Variants in TBC1D19 observed in about 807,000 individuals in gnomAD.
The protein encoded by TBC1D19 is TBC1 domain family member 19, also known as TBC1 domain family, member 19.
TBC1D19 carries 60 observed loss-of-function variants against 89.0 expected under a neutral mutation model. The observed-to-expected ratio is 0.67, with a 90% CI of 0.55 to 0.84. TBC1D19 has a LOEUF of 0.84. Ranked by LOEUF, TBC1D19 falls within the 40% of genes least tolerant of loss-of-function variation. The probability of loss-of-function intolerance (pLI) is 0.00; values close to 1 mark genes in which losing one functional copy is unlikely to be tolerated. For missense variants in TBC1D19, 500 were observed against 610.8 expected (o/e 0.82, Z 1.91); for synonymous variants, 189 against 199.7 (o/e 0.95, Z 0.45).
At chr4:26,759,354 T>C (rs972437529), downstream of TBC1D19, among the ~76,000 whole-genome samples, 1 of 152,166 alleles carries the variant, frequency 6.6e-6, no homozygotes, top group Non-Finnish European at 1.5e-5. Flanking sequence ...ATTTGCGGAG[T>C]TGCCTTTGGA....
chr4:26,814,405 C>A, the TBC1D19 span, among the ~76,000 whole-genome samples: 1 of 152,124 alleles, frequency 6.6e-6, no homozygotes, highest in African/African-American at 2.4e-5. Flanking sequence ...TTCTGATTGT[C>A]CCCCAACTCT....
At chr4:26,744,761 TG>T (rs1414710152) in intron 18 of TBC1D19, among the ~76,000 whole-genome samples, 8 of 152,112 alleles carry the variant, frequency 5.3e-5, no homozygotes. Flanking sequence ...TTGTTTTAAA[TG>T]TGTTGAAGTT....
the TBC1D19 span, among the ~76,000 whole-genome samples, chr4:26,828,656 A>C: frequency 6.6e-6 from 1 of 152,222 alleles, no homozygotes; most frequent in African/African-American, 2.4e-5. Flanking sequence ...TTTGCCACTT[A>C]TTAGCTGTGT....
chr4:26,821,344 T>A, the TBC1D19 span, among the ~76,000 whole-genome samples: 1 of 152,250 alleles, frequency 6.6e-6, no homozygotes, highest in South Asian at 2.1e-4. Context: ...TCTGCAGTCA[T>A]CATGCACACT....
chr4:26,739,308 A>C (rs1454557346), intron 16 of TBC1D19, among the ~76,000 whole-genome samples: 1 of 152,196 alleles, frequency 6.6e-6, no homozygotes, highest in African/African-American at 2.4e-5. Context: ...TCAGTTGATG[A>C]ATATATATGG....
chr4:26,847,254 A>G, the TBC1D19 span, among the ~76,000 whole-genome samples: 1 of 152,196 alleles, frequency 6.6e-6, no homozygotes, highest in African/African-American at 2.4e-5. Context: ...CAAGCAATCT[A>G]TACTATTTTA....
At chr4:26,597,016 G>A (rs527749390) in intron 1 of TBC1D19, among the ~76,000 whole-genome samples, 31 of 152,200 alleles carry the variant, frequency 2.0e-4, no homozygotes, top group African/African-American at 6.5e-4. Flanking sequence ...TGTTCCGTGT[G>A]ACCTCATAAA....
rs572540111 is a variant in TBC1D19, at chr4:26,739,124, A to C, written c.1118-740A>C. Reference sequence around the variant, plus strand: ...GATGGAAAGCATGACCACCTTTGTCAGTGTAGAATAATCACATGCTCAGGT... The same window carrying C: ...GATGGAAAGCATGACCACCTTTGTCCGTGTAGAATAATCACATGCTCAGGT... On this transcript the variant is annotated intron_variant, in intron 16 of 20. Transcript: ENST00000264866. 1.6e-4 allele frequency among the ~76,000 whole-genome samples: 24 copies of C among 152,338 alleles called. No individual in the cohort carries two copies. The South Asian group carries it at 4.8e-3, about 30-fold the overall frequency.
At chr4:26,794,700 A>T in the TBC1D19 span, among the ~76,000 whole-genome samples, 1 of 152,256 alleles carries the variant, frequency 6.6e-6, no homozygotes, top group Non-Finnish European at 1.5e-5. Context: ...TTTAACTTTT[A>T]CAAACAGATA....
the TBC1D19 span, among the ~76,000 whole-genome samples, chr4:26,774,126 C>T: frequency 6.6e-6 from 1 of 152,224 alleles, no homozygotes; most frequent in African/African-American, 2.4e-5. Context: ...GGGGGCAGGG[C>T]TCCTTTGGCA....
the TBC1D19 span, among the ~76,000 whole-genome samples, chr4:26,788,541 T>C: frequency 6.6e-6 from 1 of 152,270 alleles, no homozygotes; most frequent in South Asian, 2.1e-4. Flanking sequence ...CAGTGATTTG[T>C]TCAAAGCCAC....
rs568496257 is a variant in TBC1D19, at chr4:26,750,283, A to G, written c.1435+1757A>G. Among the ~76,000 whole-genome samples the G allele has an allele frequency of 1.1e-3, 166 of 152,300 alleles. 1 individual carries two copies. Among genetic ancestry groups the G allele is most frequent in the Non-Finnish European group, 1.4e-3 (94 of 68,022 alleles). On this transcript the variant is annotated intron_variant, in intron 19 of 20. Transcript: ENST00000264866. Reference sequence around the variant, plus strand: ...CTTTTAACCAAATGTCTGTCCTCTGAGTGTGCCAGAAAATTTGAAGATTAC... The same window carrying G: ...CTTTTAACCAAATGTCTGTCCTCTGGGTGTGCCAGAAAATTTGAAGATTAC...
chr4:26,605,522 A>C (rs1243311512), intron 1 of TBC1D19, among the ~76,000 whole-genome samples: 1 of 152,196 alleles, frequency 6.6e-6, no homozygotes, highest in East Asian at 1.9e-4. Flanking sequence ...ATACGTGTGC[A>C]TGTGTCTTTA....
intron 1 of TBC1D19, among the ~76,000 whole-genome samples, chr4:26,597,486 T>C (rs1225745759): frequency 6.6e-6 from 1 of 151,718 alleles, no homozygotes; most frequent in Non-Finnish European, 1.5e-5. Flanking sequence ...AAAGACGTCA[T>C]ATAGTTTTCT....
chr4:26,590,292 G>A (rs1739682363), intron 1 of TBC1D19, among the ~76,000 whole-genome samples: 1 of 152,112 alleles, frequency 6.6e-6, no homozygotes. Flanking sequence ...TTCTTATTTG[G>A]CTGGGGGTGA....
intron 10 of TBC1D19, among the ~76,000 whole-genome samples, chr4:26,673,237 A>G (rs1290532274): frequency 6.6e-6 from 1 of 151,594 alleles, no homozygotes; most frequent in Non-Finnish European, 1.5e-5. Flanking sequence ...ATTTTGGCAA[A>G]TAACTAAGAA....
the TBC1D19 span, among the ~76,000 whole-genome samples, chr4:26,836,887 C>T: frequency 7.2e-5 from 11 of 152,310 alleles, no homozygotes; most frequent in South Asian, 8.3e-4. Flanking sequence ...CTGTTTCTTC[C>T]ATTTACTCTT....
At chr4:26,736,652 A>T (rs528194380) in intron 16 of TBC1D19, among the ~76,000 whole-genome samples, 7 of 152,222 alleles carry the variant, frequency 4.6e-5, no homozygotes, top group Non-Finnish European at 8.8e-5. Context: ...GTAAAATCAG[A>T]TGGCTTAAAT....
chr4:26,595,714 C>G (rs897656053), intron 1 of TBC1D19, among the ~76,000 whole-genome samples: 13 of 151,588 alleles, frequency 8.6e-5, no homozygotes, highest in Non-Finnish European at 2.9e-5. Flanking sequence ...CCTGAAAAGA[C>G]TGTCTTTCAT....
Sources: gnomAD v4.1 joint callset for allele counts (sites outside exome capture counted in the v4.1 genomes callset) on GRCh38, gnomAD v4.1.1 for gene constraint, MANE v1.5 for transcripts, NCBI Gene and HGNC (gene_info 2026-07-23, HGNC 2026-07-21) for gene names.